Variants in NUP98 observed in about 807,000 individuals in gnomAD.
The protein encoded by NUP98 is nuclear pore complex protein Nup98-Nup96.
In NUP98, 26 loss-of-function variants were observed where a neutral mutation model predicts 191.9. The observed-to-expected ratio is 0.14, with a 90% CI of 0.10 to 0.19. NUP98 has a LOEUF of 0.19. NUP98 is among the 10% of genes least tolerant of loss of function. The pLI, the probability that NUP98 is intolerant of heterozygous loss-of-function variation, is 1.00. For synonymous variants in NUP98, 808 were observed against 778.4 expected, an observed-to-expected ratio of 1.04 and a Z score of -0.63; for missense variants, 1,941 against 2,178.8, an observed-to-expected ratio of 0.89 and a Z score of 2.17.
At chr11:3,752,345 C>T (rs2080793140) in intron 11 of NUP98, among the ~76,000 whole-genome samples, 1 of 151,596 alleles carries the variant, frequency 6.6e-6, no homozygotes, top group Admixed American at 6.6e-5. Flanking sequence ...AGTGACACCC[C>T]ATCTCTACTA....
intron 12 of NUP98, among the ~76,000 whole-genome samples, chr11:3,743,767 C>G (rs2080380336): frequency 6.7e-6 from 1 of 150,300 alleles, no homozygotes; most frequent in Non-Finnish European, 1.5e-5. Context: ...ATGAAAAACA[C>G]CTCAGGCTGT....
chr11:3,766,962 TTTTG>T (rs1051096627), intron 8 of NUP98, among the ~76,000 whole-genome samples: 29 of 152,050 alleles, frequency 1.9e-4, no homozygotes, highest in East Asian at 1.3e-3. Flanking sequence ...TATGATCCTT[TTTTG>T]TTTGTTTGTT....
intron 9 of NUP98, 53 bp from the exon 10 acceptor site, chr11:3,760,679 A>G (rs911511235): frequency 2.0e-6 from 3 of 1,486,250 alleles, no homozygotes; most frequent in Non-Finnish European, 2.8e-6. Flanking sequence ...ACACACACCA[A>G]ACTAAATACA....
chr11:3,742,776 C>T (rs2080332805), intron 12 of NUP98, among the ~76,000 whole-genome samples: 1 of 150,772 alleles, frequency 6.6e-6, no homozygotes, highest in African/African-American at 2.4e-5. Context: ...ATATCCTCAT[C>T]TGACAAAGAA....
At chr11:3,696,502 G>T (rs1226608442) in intron 25 of NUP98, among the ~76,000 whole-genome samples, 5 of 151,254 alleles carry the variant, frequency 3.3e-5, no homozygotes, top group African/African-American at 1.2e-4. Flanking sequence ...ACTCTGTCTT[G>T]GTGCAGGGGG....
intron 11 of NUP98, 43 bp from the exon 12 acceptor site, chr11:3,744,692 T>C (rs772949957): frequency 1.9e-6 from 3 of 1,566,726 alleles, no homozygotes; most frequent in Non-Finnish European, 2.6e-6. Flanking sequence ...CAGAAGATCC[T>C]TTCAATGTTG....
intron 20 of NUP98, chr11:3,712,301 A>AG: frequency 3.2e-6 from 4 of 1,239,140 alleles, no homozygotes; most frequent in Non-Finnish European, 4.0e-6. Flanking sequence ...AGCAAGTCCA[A>AG]ATGAGAGAGA....
intron 1 of NUP98, among the ~76,000 whole-genome samples, chr11:3,788,198 A>AT (rs1360674392): frequency 6.6e-6 from 1 of 152,248 alleles, no homozygotes; most frequent in Non-Finnish European, 1.5e-5. Context: ...AGCATCTTAC[A>AT]TAAGCTCCTT....
chr11:3,683,252 C>T lies in NUP98; in HGVS notation c.4866G>A (p.Lys1622=), dbSNP rs758182546. Residue 1622 remains lysine, a synonymous_variant, in exon 30 of 33, where the codon AAG becomes AAA. Coordinates refer to ENST00000324932, the MANE Select transcript of NUP98 (RefSeq NM_016320.5). ...TGTGGCAGCGGTTCCAGTGCTCAGCCTTAAATAAGCAAAGGGCCTCTAAGT... is the reference window on the plus strand; with the variant it reads ...TGTGGCAGCGGTTCCAGTGCTCAGCTTTAAATAAGCAAAGGGCCTCTAAGT... ...DKHLEALCLF[K]AEHWNRCHKL... is the part of the protein sequence containing the mutation. 1.9e-6 allele frequency: 3 copies of T among 1,614,030 alleles called. No homozygotes were observed. The highest frequency in any genetic ancestry group is 1.1e-5 in the South Asian group (1 of 91,086).
intron 8 of NUP98, 142 bp from the exon 9 acceptor site, chr11:3,763,181 C>A: frequency 1.4e-6 from 1 of 729,510 alleles, no homozygotes; most frequent in Non-Finnish European, 2.1e-6. Flanking sequence ...TTATTTCCTT[C>A]AAAACAACCC....
At chr11:3,679,989 T>A (rs2077937355) in intron 30 of NUP98, among the ~76,000 whole-genome samples, 1 of 152,240 alleles carries the variant, frequency 6.6e-6, no homozygotes, top group Non-Finnish European at 1.5e-5. Flanking sequence ...GCAACAGCAT[T>A]ATGTCTAAAA....
At chr11:3,792,178 C>CAAAAA (rs61471948) in intron 1 of NUP98, among the ~76,000 whole-genome samples, 25 of 58,858 alleles carry the variant, frequency 4.2e-4, no homozygotes, top group Admixed American at 5.9e-4. Flanking sequence ...AACTCCATCT[C>CAAAAA]AAAAAAAAAA....
chr11:3,733,437 G>A (rs1032661700), intron 13 of NUP98, among the ~76,000 whole-genome samples: 1 of 152,006 alleles, frequency 6.6e-6, no homozygotes, highest in South Asian at 2.1e-4. Context: ...TCAGCCTCAC[G>A]AATAGCTGGG....
chr11:3,781,841 A>G (rs3758660), intron 2 of NUP98, among the ~76,000 whole-genome samples: 41,711 of 152,026 alleles, frequency 0.27, 6,372 homozygotes, highest in African/African-American at 0.39. Context: ...GACAATCAGA[A>G]GAAGGCCATG....
intron 16 of NUP98, 150 bp from the exon 17 acceptor site, chr11:3,720,975 AGTGTGTGT>A (rs55984201): frequency 2.4e-4 from 77 of 324,514 alleles, no homozygotes; most frequent in South Asian, 8.7e-4. Flanking sequence ...GGGGTGTGTG[AGTGTGTGT>A]GTGTGTGTGT....
chr11:3,755,222 G>C (rs997852214), intron 10 of NUP98, among the ~76,000 whole-genome samples: 1 of 151,670 alleles, frequency 6.6e-6, no homozygotes, highest in Non-Finnish European at 1.5e-5. Context: ...TTGGGAGGCA[G>C]AGGCAGGTGG....
In NUP98 at chr11:3,702,836, A is replaced by G. The variant is rs1268357704; in HGVS notation, c.3139T>C (p.Ser1047Pro). 6.2e-7 allele frequency: 1 copy of G among 1,613,854 alleles called. No homozygotes were observed. Among genetic ancestry groups the G allele is most frequent in the Non-Finnish European group, 8.5e-7 (1 of 1,179,938 alleles). The change falls in exon 23 of 33, where the codon TCT (serine) becomes CCT (proline). Residue 1047 changes from serine to proline, a missense_variant. Ser to Pro is a moderately conservative substitution (Grantham distance 74, BLOSUM62 -1). Coordinates refer to ENST00000324932, the MANE Select transcript of NUP98 (RefSeq NM_016320.5). Reference protein sequence around the residue: ...TSGAFLSPSVSVQECRTPRAA... With the variant: ...TSGAFLSPSVPVQECRTPRAA... ...CTGGGAGTACGACATTCTTGCACAG[A>G]GACACTTGGTGAAAGAAAAGCTCCA...
At chr11:3,687,385 T>C (rs770522591) in intron 28 of NUP98, among the ~76,000 whole-genome samples, 4 of 152,224 alleles carry the variant, frequency 2.6e-5, no homozygotes, top group Non-Finnish European at 5.9e-5. Context: ...TTTTGAAATT[T>C]TGTTGAAGTC....
At chr11:3,731,685 G>A in intron 13 of NUP98, 107 bp from the exon 14 acceptor site, 1 of 702,364 alleles carries the variant, frequency 1.4e-6, no homozygotes, top group Non-Finnish European at 2.2e-6. Context: ...TCATTCACCT[G>A]CTAGATACCT....
Sources: gnomAD v4.1 joint callset for allele counts (sites outside exome capture counted in the v4.1 genomes callset) on GRCh38, gnomAD v4.1.1 for gene constraint, MANE v1.5 for transcripts, NCBI Gene and HGNC (gene_info 2026-07-23, HGNC 2026-07-21) for gene names.